KBTBD4: variants seen among roughly 807,000 people sequenced by gnomAD.
KBTBD4 encodes kelch repeat and BTB domain-containing protein 4.
KBTBD4 carries 30 observed loss-of-function variants against 43.9 expected under a neutral mutation model. The ratio of observed to expected loss-of-function variants is 0.68; its 90% CI spans 0.51 to 0.93. The LOEUF is 0.93. Ranked by LOEUF, KBTBD4 falls within the 40% of genes least tolerant of loss-of-function variation. KBTBD4 has a pLI of 0.00. For synonymous variants in KBTBD4, 258 were observed against 256.9 expected, an observed-to-expected ratio of 1.00 and a Z score of -0.04; for missense variants, 575 against 668.8, an observed-to-expected ratio of 0.86 and a Z score of 1.55.
Position 47,573,769 on chromosome 11 carries a change from T to C in KBTBD4, c.766A>G (p.Ile256Val), listed in dbSNP as rs903787949. The change falls in exon 4 of 4, where the codon ATT (isoleucine) becomes GTT (valine). Residue 256 changes from isoleucine to valine, a missense_variant. Physicochemically the swap from Ile to Val is conservative, Grantham distance 29. Coordinates refer to ENST00000430070, the MANE Select transcript of KBTBD4 (RefSeq NM_018095.6). The surrounding 1 kb of genome is among the most constrained non-coding windows in gnomAD (Gnocchi z 4.1). ...SLKEIGENVH[I>V]YLIGKESSRT... is the part of the protein sequence containing the mutation. ...GATGACTCTTTCCCAATCAGGTAAA[T>C]GTGCACATTCTCCCCAATTTCCTAT... 4 of 1,577,548 alleles carry C rather than the reference T, an allele frequency of 2.5e-6. No homozygotes were observed. Among genetic ancestry groups the C allele is most frequent in the African/African-American group, 2.7e-5 (2 of 74,444 alleles).
In KBTBD4 at chr11:47,573,719, G is replaced by A. The variant is rs1565931338; in HGVS notation, c.816C>T (p.Ser272=). The change falls in exon 4 of 4, where the codon TCC becomes TCT. Residue 272 remains serine (S), a synonymous_variant. Transcript: ENST00000430070. The surrounding 1 kb of genome is among the most constrained non-coding windows in gnomAD (Gnocchi z 4.1). ...TGGAGTCATCTTCTGCACAGTGCAA[G>A]GACACAGCCAACGAGTGGGTACGAG... The part of the protein sequence containing the change: ...ESSRTHSLAV[S]LHCAEDDSIS... 2.1e-5 allele frequency: 34 copies of A among 1,602,216 alleles called. No individual in the cohort carries two copies. The highest frequency in any genetic ancestry group is 2.8e-5 in the Non-Finnish European group (33 of 1,176,716).
chr11:47,578,767 A>C, intron 1 of KBTBD4, 166 bp downstream of exon 1: 1 of 1,506,308 alleles, frequency 6.6e-7, no homozygotes, highest in South Asian at 1.2e-5. Flanking sequence ...CTTGGCTCAG[A>C]GAGCGGGGGA....
chr11:47,575,612 G>C lies in KBTBD4; in HGVS notation c.725C>G (p.Ser242Ter). The C allele has an allele frequency of 6.2e-7, 1 of 1,611,250 alleles. No individual in the cohort carries two copies. The highest frequency in any genetic ancestry group is 8.5e-7 in the Non-Finnish European group (1 of 1,177,660). ...CCTTACCTTCAAGCTTGTCCTGAGT[G>C]ACTCTGCAAAAGCCTCTCTTTCCTC... ...NKEEREAFAE[S>*]LRTSLKEIGE... Residue 242 changes from serine to a stop codon, truncating the protein, a stop_gained, in exon 3 of 4, where the codon TCA becomes TGA. Transcript: ENST00000430070. LOFTEE classifies it high-confidence loss of function.
chr11:47,572,952 T>G lies in KBTBD4; in HGVS notation c.1583A>C (p.Asn528Thr), dbSNP rs1453102045. ...VTRGIKVLLT[N>T]LQFVLA ...GCCTTAGGCCAACACAAACTGCAAA[T>G]TGGTAAGCAGCACCTTAATACCTCT... Residue 528 changes from asparagine (N) to threonine (T), a missense_variant, in exon 4 of 4, where the codon AAT becomes ACT. Asn to Thr is a moderately conservative substitution (Grantham distance 65). Coordinates refer to ENST00000430070, the MANE Select transcript of KBTBD4 (RefSeq NM_018095.6). 1 of 1,613,870 alleles carries G rather than the reference T, an allele frequency of 6.2e-7. No homozygotes were observed. Among genetic ancestry groups the G allele is most frequent in the East Asian group, 2.2e-5 (1 of 44,872 alleles).
chr11:47,574,137 G>T (rs545323760), intron 3 of KBTBD4, among the ~76,000 whole-genome samples: 1 of 152,164 alleles, frequency 6.6e-6, no homozygotes, highest in South Asian at 2.1e-4. Context: ...CTTCTCCCCA[G>T]CTCATATCAA....
In KBTBD4 at chr11:47,573,038, A is replaced by G; in HGVS notation, c.1497T>C (p.Tyr499=). ...TGTAGGTGTTGGCATCCCCCTTTTT[A>G]TATCGGTCCCGGAAGACATAGATGC... ...NGSIYVFRDR[Y]KKGDANTYKL... The change falls in exon 4 of 4, where the codon TAT becomes TAC. Residue 499 remains tyrosine (Y), a synonymous_variant. Transcript: ENST00000430070. The surrounding 1 kb of genome is among the most constrained non-coding windows in gnomAD (Gnocchi z 4.1). 1.9e-6 allele frequency: 3 copies of G among 1,614,160 alleles called. No homozygotes were observed. The highest frequency in any genetic ancestry group is 2.5e-6 in the Non-Finnish European group (3 of 1,180,036).
chr11:47,578,545 G>A (rs911682005), intron 1 of KBTBD4: 42 of 687,590 alleles, frequency 6.1e-5, no homozygotes, highest in Non-Finnish European at 1.1e-4. Context: ...TCTTACATTT[G>A]CTCTCTTCTG....
At position 47,573,057 on chromosome 11, in the gene KBTBD4, T is replaced by A; in HGVS notation, c.1478A>T (p.Tyr493Phe). 6.2e-7 allele frequency: 1 copy of A among 1,614,094 alleles called. No individual in the cohort carries two copies. The change falls in exon 4 of 4, where the codon TAT becomes TTT. Residue 493 changes from tyrosine (Y) to phenylalanine (F), a missense_variant. Physicochemically the swap from Tyr to Phe is conservative, Grantham distance 22. Transcript: ENST00000430070. This position sits in a 1 kb window ranked among gnomAD's most constrained non-coding sequence, Gnocchi z 4.1. ...WKIASCNGSI[Y>F]VFRDRYKKGD... Reference sequence around the variant, plus strand: ...CTTTTTATATCGGTCCCGGAAGACATAGATGCTCCCGTTACAGCTGGCAAT... The same window carrying A: ...CTTTTTATATCGGTCCCGGAAGACAAAGATGCTCCCGTTACAGCTGGCAAT...
At chr11:47,574,022 T>C (rs1190423251) in intron 3 of KBTBD4, among the ~76,000 whole-genome samples, 2 of 152,152 alleles carry the variant, frequency 1.3e-5, no homozygotes, top group African/African-American at 2.4e-5. Context: ...TCTCATAAGC[T>C]AGTGCTTCAG....
At chr11:47,578,328 C>T in intron 1 of KBTBD4, 1 of 576,202 alleles carries the variant, frequency 1.7e-6, no homozygotes, top group South Asian at 2.3e-5. Flanking sequence ...GGATTTAGGT[C>T]AATATATGAA....
chr11:47,577,379 C>G (rs1565935778), intron 2 of KBTBD4, 32 bp downstream of exon 2: 1 of 1,549,764 alleles, frequency 6.5e-7, no homozygotes. Flanking sequence ...AGCCAAGTAA[C>G]TGGGTATGGT....
At chr11:47,578,692 C>T (rs1395208627) in intron 1 of KBTBD4, 2 of 1,147,250 alleles carry the variant, frequency 1.7e-6, no homozygotes, top group Non-Finnish European at 2.5e-6. Context: ...CACCTTGAGT[C>T]GTCTTGGAAA....
In KBTBD4 at chr11:47,572,574, A is replaced by C. The variant is rs565904578; in HGVS notation, c.*356T>G. ...CTATAGAACAAAAGTACAATTGGGC[A>C]TCTTTCCTTATGTCCTGGGATCAGG... On this transcript the variant is annotated 3_prime_UTR_variant, in exon 4 of 4. Coordinates refer to ENST00000430070, the MANE Select transcript of KBTBD4 (RefSeq NM_018095.6). 192 of 230,068 alleles carry C rather than the reference A, an allele frequency of 8.3e-4. No individual in the cohort carries two copies. The highest frequency in any genetic ancestry group is 6.9e-3 in the Admixed American group (138 of 20,020). 14.3% of individuals were successfully genotyped at this position (230,068 alleles called of 1,614,324 possible). A position where few individuals can be genotyped will look rare whatever the true frequency, so the allele number is the denominator to read the frequency against.
chr11:47,576,261 G>A (rs1358992244), intron 2 of KBTBD4, among the ~76,000 whole-genome samples: 1 of 149,480 alleles, frequency 6.7e-6, no homozygotes, highest in Non-Finnish European at 1.5e-5. Flanking sequence ...CCACCTCCCG[G>A]GTTCACGCCA....
At position 47,577,749 on chromosome 11, in the gene KBTBD4, CG is replaced by C; in HGVS notation, c.298del (p.Arg100GlyfsTer2). ...FTSNLKEAHN[R>X]VIVLQDVSES... Reference sequence around the variant, plus strand: ...GCTGACATCCTGCAGCACAATCACCCGGTTGTGGGCCTCCTTCAGGTTGGAA... The same window carrying C: ...GCTGACATCCTGCAGCACAATCACCCGTTGTGGGCCTCCTTCAGGTTGGAA... On this transcript the variant is annotated frameshift_variant, in exon 2 of 4. Transcript: ENST00000430070. LOFTEE classifies it high-confidence loss of function. The C allele has an allele frequency of 1.2e-6, 2 of 1,614,184 alleles. No individual in the cohort carries two copies. The highest frequency in any genetic ancestry group is 1.7e-6 in the Non-Finnish European group (2 of 1,180,032).
At chr11:47,578,312 G>C in intron 1 of KBTBD4, 1 of 579,948 alleles carries the variant, frequency 1.7e-6, no homozygotes, top group South Asian at 2.2e-5. Context: ...GTTAACAAAA[G>C]ACTTGGGATT....
At chr11:47,576,202 T>C (rs1480864903) in intron 2 of KBTBD4, among the ~76,000 whole-genome samples, 1 of 126,356 alleles carries the variant, frequency 7.9e-6, no homozygotes, top group Non-Finnish European at 1.6e-5. Flanking sequence ...AGTCTTGCAC[T>C]GTTGCCCAGG....
chr11:47,573,754 T>A lies in KBTBD4; in HGVS notation c.781A>T (p.Lys261Ter). Residue 261 changes from lysine to a stop codon, truncating the protein, a stop_gained, in exon 4 of 4, where the codon AAA becomes TAA. Transcript: ENST00000430070. LOFTEE classifies it high-confidence loss of function. The surrounding 1 kb of genome is among the most constrained non-coding windows in gnomAD (Gnocchi z 4.1). ...GENVHIYLIG[K>*]ESSRTHSLAV... The stretch of plus-strand genomic sequence containing the variant: ...AACGAGTGGGTACGAGATGACTCTT[T>A]CCCAATCAGGTAAATGTGCACATTC... The A allele has an allele frequency of 6.3e-7, 1 of 1,584,492 alleles. No homozygotes were observed. Among genetic ancestry groups the A allele is most frequent in the Non-Finnish European group, 8.6e-7 (1 of 1,166,172 alleles).
Position 47,572,539 on chromosome 11 carries a change from A to G in KBTBD4, c.*391T>C, listed in dbSNP as rs988002487. ...TTTGTGGAAAAATGATCAACTAGCC[A>G]TTTCACAGGCTATAGAACAAAAGTA... On this transcript the variant is annotated 3_prime_UTR_variant, in exon 4 of 4. Coordinates refer to ENST00000430070, the MANE Select transcript of KBTBD4 (RefSeq NM_018095.6). The G allele has an allele frequency of 2.2e-5, 4 of 185,460 alleles. No homozygotes were observed. Among genetic ancestry groups the G allele is most frequent in the African/African-American group, 9.4e-5 (4 of 42,394 alleles). The allele number at this position is 185,460 out of a possible 1,614,324, so 11.5% of individuals were successfully genotyped here.
Sources: allele counts gnomAD v4.1 joint callset (sites outside exome capture counted in the v4.1 genomes callset), GRCh38; gene constraint gnomAD v4.1.1; non-coding constraint Gnocchi (gnomAD v3.1); transcripts MANE v1.5; gene names NCBI Gene and HGNC (gene_info 2026-07-23, HGNC 2026-07-21).